The following ATF7IP2 variants were observed in gnomAD, a reference collection of about 807,000 sequenced individuals.
The protein encoded by ATF7IP2 is activating transcription factor 7 interacting protein 2.
ATF7IP2 carries 42 observed loss-of-function variants against 64.2 expected under a neutral mutation model. The ratio of observed to expected loss-of-function variants is 0.65; its 90% CI spans 0.51 to 0.85. The LOEUF (loss-of-function observed/expected upper bound fraction) is 0.85, where lower values mean the gene tolerates loss of function less well. ATF7IP2 is among the 40% of genes least tolerant of loss of function. ATF7IP2 has a pLI of 0.00. For missense variants in ATF7IP2, 933 were observed against 784.2 expected (o/e 1.19, Z -2.27); for synonymous variants, 308 against 272.8 (o/e 1.13, Z -1.27).
rs573745597 is a variant in ATF7IP2, at chr16:10,391,294, G to A, written c.-242+5172G>A. Among the ~76,000 whole-genome samples the A allele has an allele frequency of 6.2e-4, 95 of 152,068 alleles. 1 individual carries two copies. Among genetic ancestry groups the A allele is most frequent in the African/African-American group, 2.0e-3 (83 of 41,472 alleles). On this transcript the variant is annotated intron_variant, in intron 1 of 13. Coordinates refer to ENST00000562102, the MANE Select transcript of ATF7IP2 (RefSeq NM_001393719.1). Reference sequence around the variant, plus strand: ...AATAAAAATTTTAAAAAGACCAGGCGCTGTGGCTCCCAGCTACTCAGGAGG... The same window carrying A: ...AATAAAAATTTTAAAAAGACCAGGCACTGTGGCTCCCAGCTACTCAGGAGG...
chr16:10,431,990 ATTTTTT>A (rs34029007), intron 5 of ATF7IP2, among the ~76,000 whole-genome samples: 18 of 111,608 alleles, frequency 1.6e-4, no homozygotes, highest in Non-Finnish European at 2.6e-4. Context: ...CGCCCGGCTA[ATTTTTT>A]TTTTTTTTTT....
chr16:10,406,125 A>G (rs549311305), intron 1 of ATF7IP2, among the ~76,000 whole-genome samples: 2 of 151,788 alleles, frequency 1.3e-5, no homozygotes, highest in African/African-American at 2.4e-5. Flanking sequence ...AATTTTTTTC[A>G]TAGAATATTT....
Position 10,457,360 on chromosome 16 carries a change from C to T in ATF7IP2, c.1195-12C>T, listed in dbSNP as rs1567162549. 1 of 1,585,598 alleles carries T rather than the reference C, an allele frequency of 6.3e-7. No homozygotes were observed. The highest frequency in any genetic ancestry group is 8.5e-7 in the Non-Finnish European group (1 of 1,171,432). ...ATTCCCTTCAACTGCTTTTTTCTCA[C>T]CTATTTAATAGGTTGCAAATTCAGA... On this transcript the variant is annotated splice_polypyrimidine_tract_variant and intron_variant, in intron 8 of 13. Coordinates refer to ENST00000562102, the MANE Select transcript of ATF7IP2 (RefSeq NM_001393719.1).
chr16:10,460,842 A>G (rs912594670), intron 9 of ATF7IP2, among the ~76,000 whole-genome samples: 1 of 152,200 alleles, frequency 6.6e-6, no homozygotes, highest in African/African-American at 2.4e-5. Context: ...GATTAATTTT[A>G]CCACATTGAA....
At chr16:10,398,317 T>C (rs7500617) in intron 1 of ATF7IP2, among the ~76,000 whole-genome samples, 69 of 147,474 alleles carry the variant, frequency 4.7e-4, no homozygotes, top group African/African-American at 1.7e-3. Context: ...AAAAAAAAAA[T>C]AATAATAAAT....
intron 9 of ATF7IP2, among the ~76,000 whole-genome samples, chr16:10,461,492 A>G (rs2049373946): frequency 6.6e-6 from 1 of 152,176 alleles, no homozygotes; most frequent in South Asian, 2.1e-4. Flanking sequence ...CTAAATCTAT[A>G]CGGTGGAATG....
At chr16:10,439,014 C>A (rs1322459307) in intron 7 of ATF7IP2, among the ~76,000 whole-genome samples, 2 of 143,918 alleles carry the variant, frequency 1.4e-5, no homozygotes, top group Non-Finnish European at 3.0e-5. Flanking sequence ...GATTGCACCA[C>A]TGCACTCCAG....
At chr16:10,454,565 G>A (rs1384578998) in intron 8 of ATF7IP2, among the ~76,000 whole-genome samples, 1 of 151,158 alleles carries the variant, frequency 6.6e-6, no homozygotes, top group South Asian at 2.1e-4. Flanking sequence ...TCTATCATTT[G>A]TTTTCTTTAT....
intron 8 of ATF7IP2, among the ~76,000 whole-genome samples, chr16:10,456,015 T>C (rs1219267352): frequency 6.6e-6 from 1 of 152,142 alleles, no homozygotes; most frequent in Non-Finnish European, 1.5e-5. Flanking sequence ...AGTCTGGCTC[T>C]GTTGCCCAGG....
intron 9 of ATF7IP2, among the ~76,000 whole-genome samples, chr16:10,467,251 C>G (rs576898876): frequency 6.6e-6 from 1 of 152,258 alleles, no homozygotes; most frequent in African/African-American, 2.4e-5. Context: ...TTATTTACCT[C>G]ATAAATACAA....
At chr16:10,456,848 A>G (rs929056230) in intron 8 of ATF7IP2, among the ~76,000 whole-genome samples, 4 of 152,112 alleles carry the variant, frequency 2.6e-5, no homozygotes, top group African/African-American at 9.7e-5. Context: ...CACCTAGTGC[A>G]TTTTTGTTCA....
chr16:10,444,844 C>G (rs868454945), intron 8 of ATF7IP2, among the ~76,000 whole-genome samples: 7 of 152,128 alleles, frequency 4.6e-5, no homozygotes, highest in African/African-American at 1.4e-4. Context: ...TTTATTATTT[C>G]AAACCTGGGT....
chr16:10,453,524 A>G (rs375772328), intron 8 of ATF7IP2, among the ~76,000 whole-genome samples: 1 of 152,292 alleles, frequency 6.6e-6, no homozygotes, highest in South Asian at 2.1e-4. Context: ...AGCTGTTCCT[A>G]TTCAGCCATC....
At chr16:10,388,187 G>A (rs1312388584) in intron 1 of ATF7IP2, among the ~76,000 whole-genome samples, 2 of 152,024 alleles carry the variant, frequency 1.3e-5, no homozygotes, top group Non-Finnish European at 2.9e-5. Flanking sequence ...CTTAGCGCCC[G>A]GCCTATCTCA....
intron 6 of ATF7IP2, among the ~76,000 whole-genome samples, chr16:10,436,680 T>C (rs1358778526): frequency 6.6e-6 from 1 of 152,128 alleles, no homozygotes; most frequent in African/African-American, 2.4e-5. Flanking sequence ...TGAAGCAAGA[T>C]ACTGGAGGAA....
rs138629965 is a variant in ATF7IP2 at position 10,442,471 on chromosome 16, G to T, written c.1194+2009G>T. Among the ~76,000 whole-genome samples, 643 of 152,254 alleles carry T rather than the reference G, an allele frequency of 4.2e-3. 2 individuals carry two copies. Among genetic ancestry groups the T allele is most frequent in the African/African-American group, 0.015 (620 of 41,554 alleles). The stretch of plus-strand genomic sequence containing the variant: ...TATTGAACTAGTCCATGAATAGAAG[G>T]TATGATACAGCAGCCAGTGGGAATG... On this transcript the variant is annotated intron_variant, in intron 8 of 13. Transcript: ENST00000562102.
At chr16:10,443,399 G>T (rs2048695806) in intron 8 of ATF7IP2, among the ~76,000 whole-genome samples, 1 of 152,176 alleles carries the variant, frequency 6.6e-6, no homozygotes, top group Admixed American at 6.5e-5. Flanking sequence ...GCTGTGGGGT[G>T]CTAGAAGAGA....
chr16:10,430,525 T>A (rs1283128229), intron 4 of ATF7IP2, 86 bp from the exon 5 acceptor site: 1 of 741,332 alleles, frequency 1.3e-6, no homozygotes, highest in Non-Finnish European at 2.2e-6. Context: ...GTTATTTTAA[T>A]ATTGTAAATA....
At chr16:10,434,560 G>A (rs931392069) in intron 6 of ATF7IP2, among the ~76,000 whole-genome samples, 2 of 151,970 alleles carry the variant, frequency 1.3e-5, no homozygotes, top group African/African-American at 2.4e-5. Context: ...AAAGAGTTAC[G>A]CAGAACCAGC....
Sources: allele counts gnomAD v4.1 joint callset (sites outside exome capture counted in the v4.1 genomes callset), GRCh38; gene constraint gnomAD v4.1.1; transcripts MANE v1.5; gene names NCBI Gene and HGNC (gene_info 2026-07-23, HGNC 2026-07-21).